Variants in DOCK4 observed in about 807,000 individuals in gnomAD.
DOCK4 encodes dedicator of cytokinesis 4, also known as dedicator of cytokinesis protein 4.
In DOCK4, 97 loss-of-function variants were observed where a neutral mutation model predicts 268.1. The ratio of observed to expected loss-of-function variants is 0.36; its 90% CI spans 0.31 to 0.43. The LOEUF is 0.43. Among genes scored for constraint, DOCK4 ranks in the 20% least tolerant of loss-of-function variants. The probability of loss-of-function intolerance (pLI) is 1.00; values close to 1 mark genes in which losing one functional copy is unlikely to be tolerated. For synonymous variants in DOCK4, 954 were observed against 887.2 expected (o/e 1.08, Z -1.34); for missense variants, 2,145 against 2,455.7 (o/e 0.87, Z 2.67).
chr7:111,997,001 C>T (rs1259659939), intron 4 of DOCK4, among the ~76,000 whole-genome samples: 2 of 152,158 alleles, frequency 1.3e-5, no homozygotes, highest in African/African-American at 4.8e-5. Flanking sequence ...GGGACAAAGG[C>T]AGCAAAGAGG....
intron 1 of DOCK4, among the ~76,000 whole-genome samples, chr7:112,121,701 C>A (rs1233122671): frequency 1.3e-5 from 2 of 152,170 alleles, no homozygotes; most frequent in African/African-American, 4.8e-5. Context: ...GAAAATAACT[C>A]TAGGCAGGAA....
At chr7:112,069,281 T>C (rs561345795) in intron 1 of DOCK4, among the ~76,000 whole-genome samples, 1 of 152,312 alleles carries the variant, frequency 6.6e-6, no homozygotes, top group Admixed American at 6.5e-5. Context: ...AGGCTAAATG[T>C]TTTTATAACA....
At chr7:112,111,583 A>G (rs1436176068) in intron 1 of DOCK4, among the ~76,000 whole-genome samples, 1 of 152,026 alleles carries the variant, frequency 6.6e-6, no homozygotes, top group Non-Finnish European at 1.5e-5. Flanking sequence ...TTCATATTTA[A>G]CCATCTTAAT....
At position 111,925,964 on chromosome 7, in the gene DOCK4, T is replaced by C. The variant is rs572655052; in HGVS notation, c.1066+9576A>G. Among the ~76,000 whole-genome samples, 198 of 144,318 alleles carry C rather than the reference T, an allele frequency of 1.4e-3. 7 individuals carry two copies. The highest frequency in any genetic ancestry group is 4.4e-3 in the Admixed American group (64 of 14,658). The allele number at this position is 144,318 out of a possible 152,430, so 94.7% of individuals were successfully genotyped here. ...AATAAATAAGCCTTGCATGGTGGCGTGTCGCCTGTAGTTCCAGCTATTCAG... is the reference window on the plus strand; with the variant it reads ...AATAAATAAGCCTTGCATGGTGGCGCGTCGCCTGTAGTTCCAGCTATTCAG... On this transcript the variant is annotated intron_variant, in intron 12 of 52. Transcript: ENST00000428084.
intron 1 of DOCK4, among the ~76,000 whole-genome samples, chr7:112,202,973 C>T (rs1821077037): frequency 6.6e-6 from 1 of 152,100 alleles, no homozygotes; most frequent in African/African-American, 2.4e-5. Flanking sequence ...TACTTAAAAA[C>T]CAAGTGAGAT....
intron 42 of DOCK4, among the ~76,000 whole-genome samples, chr7:111,749,927 G>A (rs1370027828): frequency 6.6e-6 from 1 of 152,178 alleles, no homozygotes; most frequent in African/African-American, 2.4e-5. Context: ...ATGAATCAGT[G>A]GTTACAGTGG....
At chr7:112,053,462 A>C (rs1004832733) in intron 1 of DOCK4, among the ~76,000 whole-genome samples, 3 of 152,170 alleles carry the variant, frequency 2.0e-5, no homozygotes, top group African/African-American at 7.2e-5. Flanking sequence ...TTTGATCCCT[A>C]CTTCTCAGAA....
chr7:112,110,196 A>G (rs1811525507), intron 1 of DOCK4, among the ~76,000 whole-genome samples: 1 of 152,176 alleles, frequency 6.6e-6, no homozygotes, highest in South Asian at 2.1e-4. Flanking sequence ...CTAACAGATA[A>G]CTTCCCAATA....
At chr7:111,870,274 C>T (rs1485562208) in intron 20 of DOCK4, among the ~76,000 whole-genome samples, 1 of 151,700 alleles carries the variant, frequency 6.6e-6, no homozygotes, top group Non-Finnish European at 1.5e-5. Context: ...GACAGTCTTA[C>T]ACCTTGAACT....
chr7:112,205,894 C>T (rs1368936417), intron 1 of DOCK4, among the ~76,000 whole-genome samples: 1 of 152,136 alleles, frequency 6.6e-6, no homozygotes, highest in African/African-American at 2.4e-5. Context: ...GGAACCAGTG[C>T]GGGGCGCGCC....
chr7:112,004,144 A>G lies in DOCK4; in HGVS notation c.38-13T>C. 6.4e-7 allele frequency: 1 copy of G among 1,556,350 alleles called. No individual in the cohort carries two copies. Among genetic ancestry groups the G allele is most frequent in the Non-Finnish European group, 8.7e-7 (1 of 1,145,562 alleles). On this transcript the variant is annotated splice_polypyrimidine_tract_variant and intron_variant, in intron 1 of 52. Coordinates refer to ENST00000428084, the MANE Select transcript of DOCK4 (RefSeq NM_001363540.2). ...AAACTGGCAATAACTGTAAAAAATGATAAAGAATATATGAAGACAATCATG... is the reference window on the plus strand; with the variant it reads ...AAACTGGCAATAACTGTAAAAAATGGTAAAGAATATATGAAGACAATCATG...
intron 1 of DOCK4, among the ~76,000 whole-genome samples, chr7:112,049,714 T>C (rs931088640): frequency 2.0e-5 from 3 of 152,148 alleles, no homozygotes; most frequent in Non-Finnish European, 4.4e-5. Context: ...AGTAGTTATA[T>C]TAACATCAGA....
At chr7:111,732,416 G>T in intron 51 of DOCK4, 129 bp from the exon 52 acceptor site, 1 of 866,712 alleles carries the variant, frequency 1.2e-6, no homozygotes, top group Non-Finnish European at 1.8e-6. Context: ...CAAAGGGGGT[G>T]GTGAGGATGG....
rs1806486748 is a variant in DOCK4, at chr7:111,872,185, A to C, written c.1926+84T>G. The C allele has an allele frequency of 3.7e-6, 5 of 1,359,508 alleles. No individual in the cohort carries two copies. In the Admixed American group the frequency reaches 1.0e-4, roughly 27 times the overall value. 84.2% of individuals were successfully genotyped at this position (1,359,508 alleles called of 1,614,324 possible). On this transcript the variant is annotated intron_variant, in intron 19 of 52. Transcript: ENST00000428084. ...TTTAAAATGAACTCTTACATTATTA[A>C]GCACATGTTTCTGAACCAGCCTCAT...
chr7:111,976,206 A>G lies in DOCK4; in HGVS notation c.701+926T>C, dbSNP rs1347473592. Among the ~76,000 whole-genome samples the G allele has an allele frequency of 1.3e-4, 9 of 71,746 alleles. 1 individual carries two copies. In the East Asian group the frequency reaches 5.1e-3, roughly 41 times the overall value. 47.1% of individuals were successfully genotyped at this position (71,746 alleles called of 152,430 possible). On this transcript the variant is annotated intron_variant, in intron 8 of 52. Transcript: ENST00000428084. ...CACACACACACGCACACACGCACAT[A>G]TGTGTGTGTGTGTGTGCGTGTGTGT...
intron 2 of DOCK4, 50 bp downstream of exon 2, chr7:112,003,998 G>A (rs377274973): frequency 3.7e-5 from 52 of 1,408,886 alleles, no homozygotes; most frequent in Admixed American, 1.1e-4. Flanking sequence ...AGAATTTGTA[G>A]ACTTTATGAA....
intron 1 of DOCK4, among the ~76,000 whole-genome samples, chr7:112,188,928 T>C (rs763069624): frequency 9.2e-5 from 14 of 152,214 alleles, no homozygotes; most frequent in Non-Finnish European, 1.5e-4. Flanking sequence ...GGGTTCCTGG[T>C]AGCCCATGTC....
At chr7:111,905,729 C>T (rs1586326330) in intron 13 of DOCK4, among the ~76,000 whole-genome samples, 2 of 150,772 alleles carry the variant, frequency 1.3e-5, no homozygotes, top group Non-Finnish European at 1.5e-5. Flanking sequence ...ATTGCGTATA[C>T]ACACACACAC....
At chr7:112,099,431 G>GA (rs1239750629) in intron 1 of DOCK4, among the ~76,000 whole-genome samples, 1 of 151,578 alleles carries the variant, frequency 6.6e-6, no homozygotes, top group Non-Finnish European at 1.5e-5. Context: ...CTCTTTAACA[G>GA]AAAAAAGTTT....
Sources: allele counts gnomAD v4.1 joint callset (sites outside exome capture counted in the v4.1 genomes callset), GRCh38; gene constraint gnomAD v4.1.1; transcripts MANE v1.5; gene names NCBI Gene and HGNC (gene_info 2026-07-23, HGNC 2026-07-21).